TYRO3: variants seen among roughly 807,000 people sequenced by gnomAD.
The protein encoded by TYRO3 is TYRO3 protein tyrosine kinase.
TYRO3 carries 38 observed loss-of-function variants against 95.2 expected under a neutral mutation model. That is an observed-to-expected ratio of 0.40 (90% confidence interval 0.31 to 0.52). The LOEUF (loss-of-function observed/expected upper bound fraction) is 0.52. TYRO3 is among the 20% of genes least tolerant of loss of function. TYRO3 has a pLI of 0.56. For missense variants in TYRO3, 812 were observed against 1,116.4 expected, an observed-to-expected ratio of 0.73 and a Z score of 3.89; for synonymous variants, 367 against 432.9, an observed-to-expected ratio of 0.85 and a Z score of 1.89.
chr15:41,570,720 A>G lies in TYRO3; in HGVS notation c.1579+21A>G, dbSNP rs1040025638. The G allele has an allele frequency of 9.2e-6, 10 of 1,092,090 alleles. No homozygotes were observed. The African/African-American group carries it at 1.3e-4, about 14-fold the overall frequency. 67.6% of individuals were successfully genotyped at this position (1,092,090 alleles called of 1,614,324 possible). ...CAAAGGTATGTGAGGCTGTGTGGGG[A>G]TGGGCATGGCTGGTTTGCTGTAGCT... On this transcript the variant is annotated intron_variant, in intron 12 of 18. Transcript: ENST00000263798.
chr15:41,561,875 CG>C (rs2055662737), intron 3 of TYRO3: 1 of 399,706 alleles, frequency 2.5e-6, no homozygotes, highest in Non-Finnish European at 4.6e-6. Flanking sequence ...AGTCTGTTTC[CG>C]TTGCTTGAGC....
At position 41,566,442 on chromosome 15, in the gene TYRO3, G is replaced by T. The variant is rs74933237; in HGVS notation, c.784-918G>T. ...GAGGATATGCCCATCCAGATGGCAA[G>T]GACCCCCTCACTGCCACACTATACT... is the stretch of plus-strand genomic sequence containing the variant. On this transcript the variant is annotated intron_variant, in intron 6 of 18. Transcript: ENST00000263798. Among the ~76,000 whole-genome samples the T allele has an allele frequency of 1.4e-3, 213 of 151,930 alleles. 5 individuals carry two copies. In the East Asian group the frequency reaches 0.036, roughly 26 times the overall value.
chr15:41,573,138 G>T, intron 16 of TYRO3, 27 bp downstream of exon 16: 1 of 1,076,470 alleles, frequency 9.3e-7, no homozygotes, highest in Non-Finnish European at 1.4e-6. Context: ...ACTCGAGGGT[G>T]GGAGACAGCA....
chr15:41,561,875 C>T (rs1393551304), intron 3 of TYRO3: 4 of 399,588 alleles, frequency 1.0e-5, no homozygotes, highest in African/African-American at 2.1e-5. Flanking sequence ...AGTCTGTTTC[C>T]GTTGCTTGAG....
In TYRO3 at chr15:41,580,542, C is replaced by T. The variant is rs1411869972; in HGVS notation, c.*2266C>T. 1 of 151,796 alleles carries T rather than the reference C, an allele frequency of 6.6e-6. No homozygotes were observed. The highest frequency in any genetic ancestry group is 2.4e-5 in the African/African-American group (1 of 41,340). The allele number at this position is 151,796 out of a possible 1,614,324, so 9.4% of individuals were successfully genotyped here. A position where few individuals can be genotyped will look rare whatever the true frequency, so the allele number is the denominator to read the frequency against. Reference sequence around the variant, plus strand: ...AAATGCAAAAAATAATAAAAGGTGCCAGTTACCTATACTCCCACCACCTAG... The same window carrying T: ...AAATGCAAAAAATAATAAAAGGTGCTAGTTACCTATACTCCCACCACCTAG... On this transcript the variant is annotated 3_prime_UTR_variant, in exon 19 of 19. Transcript: ENST00000263798.
intron 5 of TYRO3, 34 bp from the exon 6 acceptor site, chr15:41,564,992 C>T: frequency 7.0e-7 from 1 of 1,428,458 alleles, no homozygotes; most frequent in South Asian, 1.2e-5. Context: ...GCTCATATCC[C>T]TACTGGGCAC....
At chr15:41,565,841 G>A (rs2055715846) in intron 6 of TYRO3, among the ~76,000 whole-genome samples, 1 of 152,032 alleles carries the variant, frequency 6.6e-6, no homozygotes, top group African/African-American at 2.4e-5. Context: ...GACCAGAAGG[G>A]GCCCTAAGCC....
intron 13 of TYRO3, 35 bp downstream of exon 13, chr15:41,571,153 C>G: frequency 6.2e-7 from 1 of 1,604,546 alleles, no homozygotes; most frequent in Non-Finnish European, 8.5e-7. Flanking sequence ...GAGGGCATCA[C>G]TTGGAAGGGT....
Position 41,573,702 on chromosome 15 carries a change from G to A in TYRO3, c.2169G>A (p.Trp723Ter), listed in dbSNP as rs138665905. 1.2e-6 allele frequency: 2 copies of A among 1,614,144 alleles called. No individual in the cohort carries two copies. Among genetic ancestry groups the A allele is most frequent in the African/African-American group, 2.7e-5 (2 of 74,942 alleles). Reference protein sequence around the residue: ...SDVWAFGVTMWEIMTRGQTPY... With the variant: ...SDVWAFGVTM ...AGTGGGCGTTCGGGGTGACCATGTG[G>A]GAGATCATGACACGTGGGCAGACGC... Residue 723 changes from tryptophan (W) to a stop codon, truncating the protein, a stop_gained, in exon 18 of 19, where the codon TGG becomes TGA. Transcript: ENST00000263798. LOFTEE classifies it high-confidence loss of function.
intron 4 of TYRO3, among the ~76,000 whole-genome samples, chr15:41,563,948 C>A (rs2055688409): frequency 6.6e-6 from 1 of 152,128 alleles, no homozygotes; most frequent in Admixed American, 6.5e-5. Context: ...GTGCACTTGA[C>A]ACACATTACC....
intron 1 of TYRO3, among the ~76,000 whole-genome samples, chr15:41,560,316 G>A (rs139402527): frequency 3.9e-5 from 6 of 152,046 alleles, no homozygotes; most frequent in Admixed American, 3.9e-4. Flanking sequence ...AGCAGGGCTG[G>A]ATTTCAGTTA....
Position 41,580,699 on chromosome 15 carries a change from C to T in TYRO3, c.*2423C>T, listed in dbSNP as rs1426644169. On this transcript the variant is annotated 3_prime_UTR_variant, in exon 19 of 19. Transcript: ENST00000263798. ...AGGCTAGAGTGCAGTGGTGTGATCT[C>T]GGCTCACTGTAACCTCTGTCTCCCA... 6 of 149,960 alleles carry T rather than the reference C, an allele frequency of 4.0e-5. No individual in the cohort carries two copies. Among genetic ancestry groups the T allele is most frequent in the South Asian group, 2.1e-4 (1 of 4,704 alleles). The allele number at this position is 149,960 out of a possible 1,614,324, so 9.3% of individuals were successfully genotyped here. A position where few individuals can be genotyped will look rare whatever the true frequency, so the allele number is the denominator to read the frequency against.
chr15:41,565,931 A>G (rs2055718120), intron 6 of TYRO3, among the ~76,000 whole-genome samples: 1 of 152,128 alleles, frequency 6.6e-6, no homozygotes, highest in Non-Finnish European at 1.5e-5. Context: ...CCGTTTACTC[A>G]AAGGCCATTT....
At position 41,564,332 on chromosome 15, in the gene TYRO3, A is replaced by T. The variant is rs1424492637; in HGVS notation, c.667+62A>T. On this transcript the variant is annotated intron_variant, in intron 5 of 18. Transcript: ENST00000263798. The stretch of plus-strand genomic sequence containing the variant: ...CAGGGGCATTCCCAGCGAGCTGTCC[A>T]GCAGTTAGAATCATTCTGTGTTCCA... 6.6e-6 allele frequency: 10 copies of T among 1,520,006 alleles called. No homozygotes were observed. The African/African-American group carries it at 1.4e-4, about 21-fold the overall frequency. 94.2% of individuals were successfully genotyped at this position (1,520,006 alleles called of 1,614,324 possible). A position where few individuals can be genotyped will look rare whatever the true frequency, so the allele number is the denominator to read the frequency against.
chr15:41,570,442 T>G (rs2055781151), intron 11 of TYRO3, 102 bp downstream of exon 11: 1 of 1,447,926 alleles, frequency 6.9e-7, no homozygotes, highest in Admixed American at 1.8e-5. Flanking sequence ...TGAACATCAG[T>G]GAGCCCCAGG....
chr15:41,574,713 G>A, intron 18 of TYRO3: 1 of 455,156 alleles, frequency 2.2e-6, no homozygotes, highest in Non-Finnish European at 4.4e-6. Context: ...ACAACCTTTT[G>A]TGAGTATTTT....
rs766091666 is a variant in TYRO3 at position 41,573,483 on chromosome 15, C to T, written c.2145+16C>T. 7 of 1,197,586 alleles carry T rather than the reference C, an allele frequency of 5.8e-6. No individual in the cohort carries two copies. The highest frequency in any genetic ancestry group is 2.3e-5 in the East Asian group (1 of 43,460). 74.2% of individuals were successfully genotyped at this position (1,197,586 alleles called of 1,614,324 possible). ...GAGTGACGTGGTGAGCAGGGTGGCC[C>T]GTGAAGCTTGGTGGGGACGAGTGTG... On this transcript the variant is annotated intron_variant, in intron 17 of 18. Transcript: ENST00000263798.
intron 6 of TYRO3, 21 bp downstream of exon 6, chr15:41,565,162 C>G: frequency 2.7e-6 from 4 of 1,498,844 alleles, no homozygotes; most frequent in Non-Finnish European, 3.7e-6. Flanking sequence ...CGGGCCGGGC[C>G]ATGCTCGTTC....
chr15:41,560,440 C>CGT (rs2055637700), intron 1 of TYRO3, among the ~76,000 whole-genome samples: 1 of 108,582 alleles, frequency 9.2e-6, no homozygotes, highest in Non-Finnish European at 2.1e-5. Context: ...CGCGCGCGCG[C>CGT]GCGCGCTCGC....
Sources: allele counts gnomAD v4.1 joint callset (sites outside exome capture counted in the v4.1 genomes callset), GRCh38; gene constraint gnomAD v4.1.1; transcripts MANE v1.5; gene names NCBI Gene and HGNC (gene_info 2026-07-23, HGNC 2026-07-21).